GUCY1A1: variants seen among roughly 807,000 people sequenced by gnomAD.
GUCY1A1 encodes guanylate cyclase soluble subunit alpha-1.
GUCY1A1 carries 48 observed loss-of-function variants against 64.5 expected under a neutral mutation model. The ratio of observed to expected loss-of-function variants is 0.74; its 90% CI spans 0.59 to 0.95. The LOEUF (loss-of-function observed/expected upper bound fraction) is 0.95, where lower values mean the gene tolerates loss of function less well. Ranked by LOEUF, GUCY1A1 falls within the 40% of genes least tolerant of loss-of-function variation. GUCY1A1 has a pLI of 0.00. For synonymous variants in GUCY1A1, 308 were observed against 303.4 expected (o/e 1.02, Z -0.16); for missense variants, 804 against 825.3 (o/e 0.97, Z 0.32).
At chr4:155,684,647 A>G (rs1728738838) in intron 2 of GUCY1A1, among the ~76,000 whole-genome samples, 2 of 152,196 alleles carry the variant, frequency 1.3e-5, no homozygotes, top group African/African-American at 2.4e-5. Context: ...CTCTGGGGTC[A>G]TAAAAGAAAA....
At chr4:155,682,860 A>G (rs183409545) in intron 2 of GUCY1A1, among the ~76,000 whole-genome samples, 56 of 152,288 alleles carry the variant, frequency 3.7e-4, no homozygotes, top group Admixed American at 3.7e-3. Flanking sequence ...TGTATTTCCA[A>G]TAAGCAAGAC....
intron 2 of GUCY1A1, among the ~76,000 whole-genome samples, chr4:155,694,387 A>G (rs1159072151): frequency 6.6e-6 from 1 of 152,132 alleles, no homozygotes; most frequent in African/African-American, 2.4e-5. Flanking sequence ...TACTAATAAT[A>G]ATGAAAAAAA....
In GUCY1A1 at chr4:155,722,185, A is replaced by T; in HGVS notation, c.1864A>T (p.Thr622Ser). The T allele has an allele frequency of 6.2e-7, 1 of 1,612,096 alleles. No homozygotes were observed. Among genetic ancestry groups the T allele is most frequent in the Non-Finnish European group, 8.5e-7 (1 of 1,178,786 alleles). Residue 622 changes from threonine (T) to serine (S), a missense_variant, in exon 9 of 10, where the codon ACT becomes TCT. Thr to Ser is a moderately conservative substitution (Grantham distance 58). Transcript: ENST00000506455. Reference protein sequence around the residue: ...VPRKINVSPTTYRLLKDCPGF... With the variant: ...VPRKINVSPTSYRLLKDCPGF... ...ACGAAAAATCAATGTCAGCCCAACA[A>T]CTTACAGGTAGTAATTATGTTAAAC...
At chr4:155,708,200 A>G (rs1207411270) in intron 4 of GUCY1A1, 36 bp from the exon 5 acceptor site, 12 of 986,082 alleles carry the variant, frequency 1.2e-5, no homozygotes, top group Admixed American at 1.8e-5. Context: ...GCATGTATTT[A>G]TAAGTTTATA....
At chr4:155,695,063 CT>C (rs1467490772) in intron 2 of GUCY1A1, among the ~76,000 whole-genome samples, 3 of 152,154 alleles carry the variant, frequency 2.0e-5, no homozygotes, top group African/African-American at 7.2e-5. Context: ...TCTTTTGTCC[CT>C]TCTTGAAGTT....
intron 2 of GUCY1A1, chr4:155,667,756 C>T (rs1427328107): frequency 6.6e-6 from 1 of 151,396 alleles, no homozygotes; most frequent in East Asian, 1.9e-4. Context: ...CCGCTGGTCT[C>T]CCACGGCCAG....
intron 2 of GUCY1A1, among the ~76,000 whole-genome samples, chr4:155,674,451 T>TA (rs796774648): frequency 1.4e-4 from 21 of 149,300 alleles, no homozygotes; most frequent in South Asian, 8.4e-4. Flanking sequence ...AGAGTACTTG[T>TA]AAAAAAAAAA....
chr4:155,689,610 G>A (rs1322417769), intron 2 of GUCY1A1, among the ~76,000 whole-genome samples: 2 of 152,160 alleles, frequency 1.3e-5, no homozygotes, highest in African/African-American at 4.8e-5. Flanking sequence ...CCCTACTATA[G>A]AGTTGAGTGT....
At chr4:155,705,331 C>G (rs1453611331) in intron 4 of GUCY1A1, among the ~76,000 whole-genome samples, 1 of 152,036 alleles carries the variant, frequency 6.6e-6, no homozygotes, top group African/African-American at 2.4e-5. Flanking sequence ...GACAGATCAC[C>G]TGCGGTCAGG....
intron 2 of GUCY1A1, among the ~76,000 whole-genome samples, chr4:155,691,097 TAA>T (rs1267886835): frequency 6.6e-6 from 1 of 152,164 alleles, no homozygotes; most frequent in East Asian, 1.9e-4. Flanking sequence ...TCAAATTTAA[TAA>T]AGAGATATCA....
chr4:155,702,009 A>ATCATTCAT (rs34961017), intron 3 of GUCY1A1, among the ~76,000 whole-genome samples: 360 of 150,900 alleles, frequency 2.4e-3, no homozygotes, highest in African/African-American at 6.5e-3. Flanking sequence ...GCAGGTGGAC[A>ATCATTCAT]TCATTCATTC....
At chr4:155,709,683 A>T (rs548707010) in intron 5 of GUCY1A1, among the ~76,000 whole-genome samples, 48 of 152,158 alleles carry the variant, frequency 3.2e-4, no homozygotes, top group Non-Finnish European at 6.6e-4. Flanking sequence ...AAAGTACAAA[A>T]ATTAGGCAGG....
chr4:155,719,306 C>T (rs573589729), intron 8 of GUCY1A1, among the ~76,000 whole-genome samples: 1 of 152,060 alleles, frequency 6.6e-6, no homozygotes, highest in Non-Finnish European at 1.5e-5. Flanking sequence ...CTAAAAGATA[C>T]CGGTGAAACA....
At chr4:155,712,079 T>C (rs747284898) in intron 6 of GUCY1A1, among the ~76,000 whole-genome samples, 3 of 152,088 alleles carry the variant, frequency 2.0e-5, no homozygotes, top group Non-Finnish European at 4.4e-5. Context: ...TAGATATAGG[T>C]CTATTTGGCT....
chr4:155,722,459 C>G, intron 9 of GUCY1A1: 1 of 1,253,382 alleles, frequency 8.0e-7, no homozygotes, highest in East Asian at 4.0e-5. Flanking sequence ...TTTAGAAGCA[C>G]ATATTAATAC....
Position 155,711,184 on chromosome 4 carries a change from C to G in GUCY1A1, c.1019C>G (p.Thr340Ser). Residue 340 changes from threonine (T) to serine (S), a missense_variant, in exon 6 of 10, where the codon ACT (threonine) becomes AGT (serine). Coordinates refer to ENST00000506455, the MANE Select transcript of GUCY1A1 (RefSeq NM_001130682.3). ...KINQTFSGIM[T>S]MLNMQFVVRV... ...AACCAGACGTTTAGCGGGATCATGACTATGTTGAATATGCAGTTTGTTGTA... is the reference window on the plus strand; with the variant it reads ...AACCAGACGTTTAGCGGGATCATGAGTATGTTGAATATGCAGTTTGTTGTA... 1 of 1,613,638 alleles carries G rather than the reference C, an allele frequency of 6.2e-7. No individual in the cohort carries two copies. The highest frequency in any genetic ancestry group is 8.5e-7 in the Non-Finnish European group (1 of 1,179,566).
chr4:155,683,465 A>G (rs1430731232), intron 2 of GUCY1A1, among the ~76,000 whole-genome samples: 1 of 152,238 alleles, frequency 6.6e-6, no homozygotes, highest in Non-Finnish European at 1.5e-5. Flanking sequence ...TTCAGCAGAA[A>G]ATAATTATTG....
rs79388731 is a variant in GUCY1A1 at position 155,703,901 on chromosome 4, A to C, written c.256-31A>C. The C allele has an allele frequency of 2.2e-3, 2,968 of 1,375,114 alleles. 56 individuals are homozygous for C. The African/African-American group carries it at 0.038, about 18-fold the overall frequency. The allele number at this position is 1,375,114 out of a possible 1,614,324, so 85.2% of individuals were successfully genotyped here. On this transcript the variant is annotated intron_variant, in intron 3 of 9. Transcript: ENST00000506455. ...TTCCAAACAAATTATTATATAAGGGAATGTTTAAAACATTTCTTTTGAACT... is the reference window on the plus strand; with the variant it reads ...TTCCAAACAAATTATTATATAAGGGCATGTTTAAAACATTTCTTTTGAACT...
chr4:155,677,718 G>T lies in GUCY1A1; in HGVS notation c.-113+10299G>T, dbSNP rs1735150152. ...AATACAAAAATTAGCCGGGCATGGTGGTGGGTGCCTGTAATCCCAGCTACT... is the reference window on the plus strand; with the variant it reads ...AATACAAAAATTAGCCGGGCATGGTTGTGGGTGCCTGTAATCCCAGCTACT... On this transcript the variant is annotated intron_variant, in intron 2 of 9. Transcript: ENST00000506455. Among the ~76,000 whole-genome samples, 3 of 152,070 alleles carry T rather than the reference G, an allele frequency of 2.0e-5. No homozygotes were observed. The South Asian group carries it at 6.2e-4, about 32-fold the overall frequency.
Sources: gnomAD v4.1 joint callset for allele counts (sites outside exome capture counted in the v4.1 genomes callset) on GRCh38, gnomAD v4.1.1 for gene constraint, MANE v1.5 for transcripts, NCBI Gene and HGNC (gene_info 2026-07-23, HGNC 2026-07-21) for gene names.